The following PCDHA1 variants were observed in gnomAD, a reference collection of about 807,000 sequenced individuals.
The protein encoded by PCDHA1 is protocadherin alpha 1, also known as protocadherin alpha-1.
Under a neutral mutation model 61.3 loss-of-function variants are expected in PCDHA1, and 42 were observed. The ratio of observed to expected loss-of-function variants is 0.69; its 90% CI spans 0.54 to 0.89. The LOEUF (loss-of-function observed/expected upper bound fraction) is 0.89, where lower values mean the gene tolerates loss of function less well. Ranked by LOEUF, PCDHA1 falls within the 40% of genes least tolerant of loss-of-function variation. The probability of loss-of-function intolerance (pLI) is 0.00; values close to 1 mark genes in which losing one functional copy is unlikely to be tolerated. For synonymous variants in PCDHA1, 610 were observed against 553.8 expected, an observed-to-expected ratio of 1.10 and a Z score of -1.43; for missense variants, 1,256 against 1,235.3, an observed-to-expected ratio of 1.02 and a Z score of -0.25.
intron 1 of PCDHA1, among the ~76,000 whole-genome samples, chr5:140,872,454 C>T (rs1410815153): frequency 1.3e-5 from 2 of 152,062 alleles, no homozygotes; most frequent in Non-Finnish European, 2.9e-5. Context: ...TAGCGAGATC[C>T]TGTCTCTATA....
chr5:140,870,879 G>A (rs1554164779), intron 1 of PCDHA1: 1 of 1,613,952 alleles, frequency 6.2e-7, no homozygotes, highest in East Asian at 2.2e-5. Flanking sequence ...TGGTGGCGAA[G>A]GTGCGCGCAG....
intron 1 of PCDHA1, among the ~76,000 whole-genome samples, chr5:140,977,726 C>T (rs368776202): frequency 2.0e-5 from 3 of 152,290 alleles, no homozygotes; most frequent in African/African-American, 7.2e-5. Flanking sequence ...GATCATTTCT[C>T]TCCTGGGTGT....
chr5:140,794,774 C>A (rs775427816), intron 1 of PCDHA1: 1 of 634,780 alleles, frequency 1.6e-6, no homozygotes, highest in Non-Finnish European at 2.7e-6. Context: ...AACAGTAGAG[C>A]CTTCCTTTTA....
At chr5:140,795,552 G>A in intron 1 of PCDHA1, 2 of 1,614,030 alleles carry the variant, frequency 1.2e-6, no homozygotes, top group East Asian at 2.2e-5. Flanking sequence ...CTCTCGTGCT[G>A]GGGAAATCGC....
rs113124123 is a variant in PCDHA1 at position 140,823,491 on chromosome 5, C to G, written c.2394+34807C>G. On this transcript the variant is annotated intron_variant, in intron 1 of 3. Coordinates refer to ENST00000504120, the MANE Select transcript of PCDHA1 (RefSeq NM_018900.4). ...TGCTGGTGCCTCGAGTGGGTGGCAC[C>G]GGCGGCGCAGTGAGCGAGCTGGTGC... is the stretch of plus-strand genomic sequence containing the variant. 2.2e-3 allele frequency: 3,506 copies of G among 1,613,202 alleles called. 74 individuals carry two copies. The African/African-American group carries it at 0.041, about 19-fold the overall frequency.
At chr5:140,938,333 T>G (rs2092022298) in intron 1 of PCDHA1, among the ~76,000 whole-genome samples, 1 of 152,248 alleles carries the variant, frequency 6.6e-6, no homozygotes, top group Non-Finnish European at 1.5e-5. Context: ...GTAATGTTAA[T>G]GGATAATCTT....
chr5:140,802,135 G>A (rs1554121883), intron 1 of PCDHA1: 2 of 1,614,198 alleles, frequency 1.2e-6, no homozygotes, highest in Non-Finnish European at 1.7e-6. Context: ...TTCGAGGAAA[G>A]TAAGTCATAT....
At chr5:140,925,966 A>G (rs782294082) in intron 1 of PCDHA1, among the ~76,000 whole-genome samples, 2 of 149,366 alleles carry the variant, frequency 1.3e-5, no homozygotes, top group Non-Finnish European at 3.0e-5. Flanking sequence ...CTATCACGCA[A>G]AAAAAAAGCC....
chr5:140,868,980 G>T (rs2050777662), intron 1 of PCDHA1: 5 of 1,489,988 alleles, frequency 3.4e-6, no homozygotes, highest in South Asian at 1.4e-5. Context: ...CCATCATACC[G>T]GATGCCACCG....
At chr5:140,874,958 A>G (rs2055195313) in intron 1 of PCDHA1, among the ~76,000 whole-genome samples, 1 of 152,242 alleles carries the variant, frequency 6.6e-6, no homozygotes, top group South Asian at 2.1e-4. Flanking sequence ...TGTAAGCTAT[A>G]TAAGGGGAGG....
In PCDHA1 at chr5:140,841,863, A is replaced by T. The variant is rs1288637378; in HGVS notation, c.2394+53179A>T. On this transcript the variant is annotated intron_variant, in intron 1 of 3. Transcript: ENST00000504120. ...AGCTCTCATGATTACTTCATGCTAGATGTGAATTCAAAGAACGATGAGAAT... is the reference window on the plus strand; with the variant it reads ...AGCTCTCATGATTACTTCATGCTAGTTGTGAATTCAAAGAACGATGAGAAT... The T allele has an allele frequency of 9.9e-6, 16 of 1,613,706 alleles. No individual in the cohort carries two copies. In the Admixed American group the frequency reaches 2.7e-4, roughly 27 times the overall value.
chr5:140,886,189 G>A (rs2060889525), intron 1 of PCDHA1, among the ~76,000 whole-genome samples: 1 of 152,090 alleles, frequency 6.6e-6, no homozygotes. Context: ...ATGCTGGCAA[G>A]CAGTAATCTG....
At chr5:140,976,871 A>G (rs2096735171) in intron 1 of PCDHA1, among the ~76,000 whole-genome samples, 2 of 152,224 alleles carry the variant, frequency 1.3e-5, no homozygotes, top group Non-Finnish European at 2.9e-5. Flanking sequence ...TGTCTGACAA[A>G]GAAAGAATTA....
chr5:140,836,112 G>C, intron 1 of PCDHA1: 1 of 1,613,758 alleles, frequency 6.2e-7, no homozygotes. Flanking sequence ...TGGTGGCGCA[G>C]TGAGAGAGCT....
intron 1 of PCDHA1, among the ~76,000 whole-genome samples, chr5:140,960,137 T>C (rs2095528767): frequency 6.6e-6 from 1 of 152,232 alleles, no homozygotes; most frequent in African/African-American, 2.4e-5. Flanking sequence ...AATACTTAGA[T>C]ATTAATAGCT....
intron 1 of PCDHA1, among the ~76,000 whole-genome samples, chr5:140,956,861 A>T (rs2095316106): frequency 6.6e-6 from 1 of 152,194 alleles, no homozygotes; most frequent in Non-Finnish European, 1.5e-5. Flanking sequence ...TGGTTGAATG[A>T]ATGTGTGAAA....
intron 1 of PCDHA1, among the ~76,000 whole-genome samples, chr5:140,901,201 G>A (rs2068505084): frequency 6.6e-6 from 1 of 152,038 alleles, no homozygotes; most frequent in Admixed American, 6.6e-5. Context: ...CTGTGCAGAA[G>A]GTTTTTAAGT....
At chr5:140,953,551 T>C (rs565115779) in intron 1 of PCDHA1, among the ~76,000 whole-genome samples, 1 of 152,240 alleles carries the variant, frequency 6.6e-6, no homozygotes, top group East Asian at 1.9e-4. Flanking sequence ...GATTCTTTTC[T>C]CCAAGTTTTA....
intron 1 of PCDHA1, chr5:140,829,946 C>G: frequency 2.5e-6 from 4 of 1,613,986 alleles, no homozygotes; most frequent in Non-Finnish European, 3.4e-6. Flanking sequence ...AAGCAGCGCT[C>G]GCTTCCCGTT....
Sources: gnomAD v4.1 joint callset for allele counts (sites outside exome capture counted in the v4.1 genomes callset) on GRCh38, gnomAD v4.1.1 for gene constraint, MANE v1.5 for transcripts, NCBI Gene and HGNC (gene_info 2026-07-23, HGNC 2026-07-21) for gene names.